ADCY9: variants seen among roughly 807,000 people sequenced by gnomAD.
The protein encoded by ADCY9 is adenylate cyclase 9, also known as adenylate cyclase type 9.
A neutral mutation model predicts 101.5 loss-of-function variants in ADCY9; 50 were observed. The ratio of observed to expected loss-of-function variants is 0.49; its 90% CI spans 0.39 to 0.62. ADCY9 has a LOEUF of 0.62. ADCY9 is among the 20% of genes least tolerant of loss of function. The probability of loss-of-function intolerance (pLI) is 0.00; values close to 1 mark genes in which losing one functional copy is unlikely to be tolerated. For missense variants in ADCY9, 1,662 were observed against 1,800.4 expected, an observed-to-expected ratio of 0.92 and a Z score of 1.39; for synonymous variants, 905 against 769.3, an observed-to-expected ratio of 1.18 and a Z score of -2.92.
At chr16:4,073,180 C>T (rs1294461826) in intron 2 of ADCY9, among the ~76,000 whole-genome samples, 3 of 152,022 alleles carry the variant, frequency 2.0e-5, no homozygotes, top group African/African-American at 7.3e-5. Flanking sequence ...CTGCAACCTC[C>T]GCCTCCTGGG....
chr16:3,954,048 G>A (rs1347979585), intron 5 of ADCY9, among the ~76,000 whole-genome samples: 1 of 152,212 alleles, frequency 6.6e-6, no homozygotes, highest in Admixed American at 6.5e-5. Flanking sequence ...TTTCACAGAG[G>A]ATGGTAAGGC....
chr16:4,035,998 C>CAAAAAAAACAAAAAAAAAAAAAAAAAAA, intron 2 of ADCY9, among the ~76,000 whole-genome samples: 1 of 23,168 alleles, frequency 4.3e-5, no homozygotes, highest in Non-Finnish European at 7.2e-5. Flanking sequence ...AACTCCATCT[C>CAAAAAAAACAAAAAAAAAAAAAAAAAAA]AAAAAAAAAA....
chr16:4,058,442 G>A (rs2056754647), intron 2 of ADCY9, among the ~76,000 whole-genome samples: 1 of 149,356 alleles, frequency 6.7e-6, no homozygotes, highest in African/African-American at 2.5e-5. Context: ...TCCAGCCTGG[G>A]AAACAGAGAA....
intron 2 of ADCY9, among the ~76,000 whole-genome samples, chr16:4,021,138 A>G (rs567501989): frequency 4.6e-4 from 70 of 152,322 alleles, no homozygotes; most frequent in African/African-American, 1.6e-3. Context: ...GGTAAAACAC[A>G]CACCCAAGCT....
intron 2 of ADCY9, among the ~76,000 whole-genome samples, chr16:4,067,835 A>T (rs1213105080): frequency 6.6e-6 from 1 of 152,220 alleles, no homozygotes. Context: ...TTTGTATCTT[A>T]GTAGCTTCAC....
chr16:4,012,065 T>C (rs1445213705), intron 2 of ADCY9, among the ~76,000 whole-genome samples: 1 of 152,218 alleles, frequency 6.6e-6, no homozygotes, highest in African/African-American at 2.4e-5. Context: ...AAATCAATAA[T>C]TGCTCCTGAT....
chr16:3,974,962 G>C (rs774252824), intron 9 of ADCY9, among the ~76,000 whole-genome samples: 1 of 152,130 alleles, frequency 6.6e-6, no homozygotes, highest in African/African-American at 2.4e-5. Context: ...CTTAGCAACC[G>C]TGATGGGATT....
At chr16:4,107,891 T>C (rs554417055) in intron 2 of ADCY9, among the ~76,000 whole-genome samples, 2 of 152,272 alleles carry the variant, frequency 1.3e-5, no homozygotes, top group Admixed American at 6.5e-5. Flanking sequence ...AGGGTCTACA[T>C]AGGAACTCCT....
At chr16:4,037,383 T>C (rs1009558553) in intron 2 of ADCY9, among the ~76,000 whole-genome samples, 2 of 152,162 alleles carry the variant, frequency 1.3e-5, no homozygotes, top group African/African-American at 2.4e-5. Context: ...TTATTGTAAA[T>C]AACAGGGTTT....
chr16:3,993,331 A>T (rs760332216), intron 4 of ADCY9, 75 bp downstream of exon 4: 1 of 1,587,984 alleles, frequency 6.3e-7, no homozygotes, highest in Admixed American at 1.7e-5. Flanking sequence ...TAAGAAGTCG[A>T]CAAGACAGGA....
At position 3,963,260 on chromosome 16, in the gene ADCY9, G is replaced by T. The variant is rs751601757; in HGVS notation, c.*2515C>A. 9.0e-5 allele frequency: 36 copies of T among 397,936 alleles called. No homozygotes were observed. The highest frequency in any genetic ancestry group is 1.6e-4 in the Non-Finnish European group (35 of 225,740). The allele number at this position is 397,936 out of a possible 1,614,324, so 24.7% of individuals were successfully genotyped here. ...GCTTCCTGCCCTAAGTTCCTAAGAG[G>T]TATTGCCACCCTGAAGCACGACCCA... is the stretch of plus-strand genomic sequence containing the variant. On this transcript the variant is annotated 3_prime_UTR_variant, in exon 11 of 11. Coordinates refer to ENST00000294016, the MANE Select transcript of ADCY9 (RefSeq NM_001116.4).
intron 2 of ADCY9, among the ~76,000 whole-genome samples, chr16:4,089,884 G>A (rs573336704): frequency 6.6e-6 from 1 of 152,128 alleles, no homozygotes; most frequent in South Asian, 2.1e-4. Flanking sequence ...TCTCCCTGGT[G>A]GGATCCTTTT....
intron 6 of ADCY9, among the ~76,000 whole-genome samples, chr16:3,985,090 C>T (rs1385763265): frequency 1.3e-5 from 2 of 152,070 alleles, no homozygotes; most frequent in Non-Finnish European, 2.9e-5. Flanking sequence ...GCCCTGGAAT[C>T]CCCTCAGAAG....
At chr16:4,076,139 C>T (rs989321455) in intron 2 of ADCY9, among the ~76,000 whole-genome samples, 4 of 152,130 alleles carry the variant, frequency 2.6e-5, no homozygotes, top group African/African-American at 7.2e-5. Context: ...GGCTGCAGTG[C>T]GCTACCATCA....
At chr16:3,970,837 CT>C (rs2056044884) in intron 10 of ADCY9, among the ~76,000 whole-genome samples, 1 of 152,224 alleles carries the variant, frequency 6.6e-6, no homozygotes, top group Admixed American at 6.5e-5. Flanking sequence ...GCCATGCCAT[CT>C]TTCTGGGTCT....
At chr16:4,011,949 G>C (rs1219026531) in intron 2 of ADCY9, among the ~76,000 whole-genome samples, 1 of 152,258 alleles carries the variant, frequency 6.6e-6, no homozygotes, top group Non-Finnish European at 1.5e-5. Context: ...CACGCACGCA[G>C]CAAGCACTCG....
At chr16:3,984,437 G>C (rs548292906) in intron 6 of ADCY9, among the ~76,000 whole-genome samples, 1 of 152,162 alleles carries the variant, frequency 6.6e-6, no homozygotes, top group Non-Finnish European at 1.5e-5. Flanking sequence ...ATGCTGACAC[G>C]TCCAAGAGGT....
At chr16:4,089,595 G>A (rs545771448) in intron 2 of ADCY9, among the ~76,000 whole-genome samples, 1 of 152,046 alleles carries the variant, frequency 6.6e-6, no homozygotes, top group Non-Finnish European at 1.5e-5. Flanking sequence ...AAACCCAGGA[G>A]TGGCATGGCT....
chr16:3,986,890 C>T (rs1470347582), intron 6 of ADCY9, among the ~76,000 whole-genome samples: 7 of 152,236 alleles, frequency 4.6e-5, no homozygotes, highest in Admixed American at 4.6e-4. Flanking sequence ...GCTGTGTGAT[C>T]TTTGTAACAC....
Sources: allele counts gnomAD v4.1 joint callset (sites outside exome capture counted in the v4.1 genomes callset), GRCh38; gene constraint gnomAD v4.1.1; transcripts MANE v1.5; gene names NCBI Gene and HGNC (gene_info 2026-07-23, HGNC 2026-07-21).